Variants in GPR161 observed in about 807,000 individuals in gnomAD.
The protein encoded by GPR161 is G protein-coupled receptor 161.
GPR161 carries 25 observed loss-of-function variants against 39.2 expected under a neutral mutation model. The observed-to-expected ratio is 0.64, with a 90% confidence interval of 0.47 to 0.89. GPR161 has a LOEUF of 0.89. Among genes scored for constraint, GPR161 ranks in the 40% least tolerant of loss-of-function variants. The pLI is 0.00. For synonymous variants in GPR161, 286 were observed against 276.6 expected, an observed-to-expected ratio of 1.03 and a Z score of -0.34; for missense variants, 547 against 677.8, an observed-to-expected ratio of 0.81 and a Z score of 2.14.
chr1:168,099,828 T>G (rs555517749), intron 2 of GPR161, among the ~76,000 whole-genome samples: 45 of 120,676 alleles, frequency 3.7e-4, no homozygotes, highest in Non-Finnish European at 5.5e-4. Context: ...GTTTTTAAGT[T>G]TTTTTTTTGG....
chr1:168,086,341 T>A (rs914699450), intron 5 of GPR161, among the ~76,000 whole-genome samples: 4 of 152,188 alleles, frequency 2.6e-5, no homozygotes, highest in Admixed American at 2.6e-4. Context: ...AGCCCTAAAC[T>A]AAAACGAACA....
At position 168,096,515 on chromosome 1, in the gene GPR161, C is replaced by T; in HGVS notation, c.1092G>A (p.Arg364=). ...TAACAATGCCCAAGTTACCTGTGAT[C>T]CTGTTGGAAATGCTGAAGAGCCTGG... ...RTSRLFSISN[R]ITDLGLSPHL... The change falls in exon 3 of 6, where the codon AGG becomes AGA. Residue 364 remains arginine (R), a synonymous_variant. Coordinates refer to ENST00000682931, the MANE Select transcript of GPR161 (RefSeq NM_001375883.1). The T allele has an allele frequency of 6.2e-7, 1 of 1,612,994 alleles. No individual in the cohort carries two copies. Among genetic ancestry groups the T allele is most frequent in the Non-Finnish European group, 8.5e-7 (1 of 1,179,386 alleles).
At chr1:168,124,112 T>C (rs1357528766) in intron 1 of GPR161, among the ~76,000 whole-genome samples, 1 of 152,188 alleles carries the variant, frequency 6.6e-6, no homozygotes, top group African/African-American at 2.4e-5. Flanking sequence ...CATCTGCCCA[T>C]CTATCTCCTT....
Position 168,080,187 on chromosome 1 carries a change from C to G in GPR161, c.*5344G>C, listed in dbSNP as rs545438116. On this transcript the variant is annotated 3_prime_UTR_variant, in exon 6 of 6. Coordinates refer to ENST00000682931, the MANE Select transcript of GPR161 (RefSeq NM_001375883.1). ...GGCCTTCAGTTTTTTTTAGGTCTGG[C>G]CAGCAGATATTAATATCTCCCAAGA... The G allele has an allele frequency of 1.1e-4, 17 of 152,186 alleles. No homozygotes were observed. The highest frequency in any genetic ancestry group is 4.1e-4 in the African/African-American group (17 of 41,516). 9.4% of individuals were successfully genotyped at this position (152,186 alleles called of 1,614,324 possible).
rs779108170 is a variant in GPR161 at position 168,104,671 on chromosome 1, G to A, written c.180C>T (p.Thr60=). ...GGCTGAAGACGAACTTGTTGCTGAG[G>A]GTGAGGAGGTAGGACTTCTTGTACA... ...VTLYKKSYLL[T]LSNKFVFSLT... Residue 60 remains threonine (T), a synonymous_variant, in exon 2 of 6, where the codon ACC becomes ACT. Transcript: ENST00000682931. 4.3e-6 allele frequency: 7 copies of A among 1,613,692 alleles called. No homozygotes were observed. The highest frequency in any genetic ancestry group is 1.1e-5 in the South Asian group (1 of 91,066).
chr1:168,137,226 T>A, upstream of GPR161: 1 of 1,470,706 alleles, frequency 6.8e-7, no homozygotes, highest in Non-Finnish European at 9.0e-7. Context: ...AGGCCTTCCC[T>A]GTTCCCGTTC....
chr1:168,099,810 A>G (rs6427118), intron 2 of GPR161, among the ~76,000 whole-genome samples: 144,477 of 146,336 alleles, frequency 0.99, 71,319 homozygotes, highest in East Asian at 1. Context: ...TCCTCCAGGG[A>G]TTATTTTGTT....
At chr1:168,099,112 C>T (rs956647105) in intron 2 of GPR161, among the ~76,000 whole-genome samples, 37 of 152,164 alleles carry the variant, frequency 2.4e-4, no homozygotes, top group African/African-American at 8.4e-4. Context: ...TCCTTGAGGA[C>T]GAAAGCCCTA....
chr1:168,099,836 T>TGG (rs201115778), intron 2 of GPR161, among the ~76,000 whole-genome samples: 2,110 of 95,474 alleles, frequency 0.022, 26 homozygotes, highest in Non-Finnish European at 0.029. Flanking sequence ...GTTTTTTTTT[T>TGG]GGGGGGGGGG....
chr1:168,132,405 G>A (rs925640593), intron 1 of GPR161, among the ~76,000 whole-genome samples: 11 of 151,644 alleles, frequency 7.3e-5, no homozygotes, highest in African/African-American at 2.7e-4. Context: ...GGCTAACACG[G>A]TGAAACCCCG....
In GPR161 at chr1:168,135,165, G is replaced by A. The variant is rs1572403054; in HGVS notation, c.-45+1574C>T. On this transcript the variant is annotated intron_variant, in intron 1 of 5. Transcript: ENST00000682931. ...CAGTGGAGCTACAGGGCAGGGAGAA[G>A]CCCTGAGTTAAAGAACTCACCTGTG... The A allele has an allele frequency of 5.8e-6, 7 of 1,205,884 alleles. No individual in the cohort carries two copies. In the East Asian group the frequency reaches 2.0e-4, roughly 35 times the overall value. 74.7% of individuals were successfully genotyped at this position (1,205,884 alleles called of 1,614,324 possible). A position where few individuals can be genotyped will look rare whatever the true frequency, so the allele number is the denominator to read the frequency against.
intron 2 of GPR161, among the ~76,000 whole-genome samples, chr1:168,099,843 G>A (rs1303298729): frequency 1.4e-5 from 2 of 146,012 alleles, no homozygotes; most frequent in Admixed American, 6.8e-5. Context: ...TTTTGGGGGG[G>A]GGGGGTTGGT....
chr1:168,125,578 G>A (rs996033321), intron 1 of GPR161, among the ~76,000 whole-genome samples: 2 of 151,970 alleles, frequency 1.3e-5, no homozygotes, highest in Admixed American at 6.5e-5. Flanking sequence ...TATTTGCACA[G>A]GCCTGCATAA....
chr1:168,108,198 T>C (rs990607166), intron 1 of GPR161, among the ~76,000 whole-genome samples: 16 of 151,884 alleles, frequency 1.1e-4, no homozygotes, highest in Non-Finnish European at 2.9e-5. Flanking sequence ...CAACAACCCA[T>C]TCTAGTGGGA....
intron 1 of GPR161, among the ~76,000 whole-genome samples, chr1:168,124,062 T>G (rs1698411299): frequency 6.6e-6 from 1 of 152,236 alleles, no homozygotes; most frequent in Non-Finnish European, 1.5e-5. Flanking sequence ...GATGATGCAG[T>G]CAGCTCAGCT....
Position 168,082,212 on chromosome 1 carries a change from A to G in GPR161, c.*3319T>C, listed in dbSNP as rs1335522965. On this transcript the variant is annotated 3_prime_UTR_variant, in exon 6 of 6. Transcript: ENST00000682931. ...GATGGCCCTTGTCTTACACTCCTCA[A>G]CTCTGCTTCTCCAGGAGCAGTGATC... 1 of 151,944 alleles carries G rather than the reference A, an allele frequency of 6.6e-6. No individual in the cohort carries two copies. Among genetic ancestry groups the G allele is most frequent in the Non-Finnish European group, 1.5e-5 (1 of 68,006 alleles). The allele number at this position is 151,944 out of a possible 1,614,324, so 9.4% of individuals were successfully genotyped here.
intron 1 of GPR161, among the ~76,000 whole-genome samples, chr1:168,111,821 C>G (rs1697196630): frequency 6.6e-6 from 1 of 151,934 alleles, no homozygotes; most frequent in South Asian, 2.1e-4. Flanking sequence ...ATTGAAAGAG[C>G]ATATCAAGTT....
intron 1 of GPR161, among the ~76,000 whole-genome samples, chr1:168,124,908 G>A (rs1409905507): frequency 6.6e-6 from 1 of 152,210 alleles, no homozygotes; most frequent in Admixed American, 6.5e-5. Context: ...GCCCTCACCA[G>A]AAGCAGATGC....
chr1:168,099,639 G>A (rs1392691499), intron 2 of GPR161, among the ~76,000 whole-genome samples: 3 of 152,034 alleles, frequency 2.0e-5, no homozygotes, highest in Non-Finnish European at 4.4e-5. Context: ...TGAGGTTCAG[G>A]CACAGGGAGT....
Sources: allele counts gnomAD v4.1 joint callset (sites outside exome capture counted in the v4.1 genomes callset), GRCh38; gene constraint gnomAD v4.1.1; transcripts MANE v1.5; gene names NCBI Gene and HGNC (gene_info 2026-07-23, HGNC 2026-07-21).